Variants in SYN2 observed in about 807,000 individuals in gnomAD.
SYN2 encodes the protein synapsin II, also known as synapsin-2.
SYN2 carries 19 observed loss-of-function variants against 50.9 expected under a neutral mutation model. The observed-to-expected ratio is 0.37, with a 90% CI of 0.26 to 0.55. The LOEUF (loss-of-function observed/expected upper bound fraction) is 0.55, where lower values mean the gene tolerates loss of function less well. SYN2 is among the 20% of genes least tolerant of loss of function. The pLI, the probability that SYN2 is intolerant of heterozygous loss-of-function variation, is 0.81. For synonymous variants in SYN2, 255 were observed against 224.9 expected, an observed-to-expected ratio of 1.13 and a Z score of -1.20; for missense variants, 587 against 576.4, an observed-to-expected ratio of 1.02 and a Z score of -0.19.
chr3:12,021,313 GT>G (rs1301987641), intron 1 of SYN2, among the ~76,000 whole-genome samples: 7 of 152,014 alleles, frequency 4.6e-5, no homozygotes, highest in African/African-American at 1.2e-4. Flanking sequence ...TCTATGAAAG[GT>G]TTTTTTCTAT....
chr3:12,187,739 G>GTT, intron 12 of SYN2, 127 bp downstream of exon 12: 1 of 491,570 alleles, frequency 2.0e-6, no homozygotes, highest in Non-Finnish European at 2.8e-6. Context: ...ATGGGATTTG[G>GTT]TTTTTTTTTG....
At chr3:12,046,008 T>C (rs1035643893) in intron 1 of SYN2, among the ~76,000 whole-genome samples, 4 of 152,174 alleles carry the variant, frequency 2.6e-5, no homozygotes, top group Non-Finnish European at 4.4e-5. Context: ...AACCCATATT[T>C]CTCCTTTATA....
intron 11 of SYN2, chr3:12,183,716 T>G: frequency 8.1e-7 from 1 of 1,230,814 alleles, no homozygotes; most frequent in Non-Finnish European, 1.0e-6. Flanking sequence ...CTCTCCCAAG[T>G]CCAGTGTGAC....
At chr3:12,123,308 AC>A (rs1280414622) in intron 1 of SYN2, among the ~76,000 whole-genome samples, 3 of 152,216 alleles carry the variant, frequency 2.0e-5, no homozygotes, top group African/African-American at 7.2e-5. Flanking sequence ...AGCATCAAAG[AC>A]AAAAAGTAGG....
chr3:12,185,602 T>A (rs1183909727), intron 11 of SYN2: 1 of 985,902 alleles, frequency 1.0e-6, no homozygotes, highest in Non-Finnish European at 1.2e-6. Context: ...TTTCCTGACG[T>A]TGTCCCCTTT....
chr3:12,007,934 G>A (rs1191551837), intron 1 of SYN2, among the ~76,000 whole-genome samples: 4 of 152,068 alleles, frequency 2.6e-5, no homozygotes, highest in Non-Finnish European at 5.9e-5. Context: ...CTAAAAGATC[G>A]TTGAAAAATT....
chr3:12,088,923 G>A (rs879822442), intron 1 of SYN2, among the ~76,000 whole-genome samples: 5 of 152,166 alleles, frequency 3.3e-5, no homozygotes, highest in Non-Finnish European at 7.3e-5. Flanking sequence ...CAGAGTTTCA[G>A]TTAGACAAGA....
At chr3:12,152,421 A>G (rs932478912) in intron 5 of SYN2, among the ~76,000 whole-genome samples, 5 of 152,178 alleles carry the variant, frequency 3.3e-5, no homozygotes, top group Non-Finnish European at 7.3e-5. Flanking sequence ...TGGTTGGGGA[A>G]TCTCAGGGAG....
intron 5 of SYN2, chr3:12,156,965 T>C (rs749887551): frequency 6.6e-7 from 1 of 1,515,008 alleles, no homozygotes; most frequent in East Asian, 2.3e-5. Flanking sequence ...AAGGCAATAT[T>C]GGGTCAGTGA....
chr3:12,074,692 A>G (rs1288788215), intron 1 of SYN2, among the ~76,000 whole-genome samples: 1 of 151,608 alleles, frequency 6.6e-6, no homozygotes, highest in East Asian at 1.9e-4. Flanking sequence ...CCTTATGCAG[A>G]CTCTTCCTAC....
At position 12,169,874 on chromosome 3, in the gene SYN2, C is replaced by T. The variant is rs1697899935; in HGVS notation, c.1276C>T (p.Pro426Ser). 3 of 1,612,244 alleles carry T rather than the reference C, an allele frequency of 1.9e-6. No individual in the cohort carries two copies. The highest frequency in any genetic ancestry group is 2.5e-6 in the Non-Finnish European group (3 of 1,179,110). The change falls in exon 10 of 13, where the codon CCT (proline) becomes TCT (serine). Residue 426 changes from proline (P) to serine (S), a missense_variant. Transcript: ENST00000621198. ...GCTGTCCAGGACTCCTGCCCTGTCT[C>T]CTCAGAGACCCCTAACAACCCAGCA... is the stretch of plus-strand genomic sequence containing the variant. The part of the protein sequence containing the change: ...QLLSRTPALS[P>S]QRPLTTQQPQ...
chr3:12,106,893 G>A (rs17035806), intron 1 of SYN2, among the ~76,000 whole-genome samples: 16,259 of 151,954 alleles, frequency 0.11, 916 homozygotes, highest in East Asian at 0.18. Flanking sequence ...TTTAAAAGTG[G>A]AATTTTGCGA....
rs115134681 is a variant in SYN2, at chr3:12,138,786, A to T, written c.378-1865A>T. ...TTGAGACAGGAAAATAGGAGGAAGCATCAGAAAAGCATTGCTGATAACAAG... is the reference window on the plus strand; with the variant it reads ...TTGAGACAGGAAAATAGGAGGAAGCTTCAGAAAAGCATTGCTGATAACAAG... On this transcript the variant is annotated intron_variant, in intron 1 of 12. Coordinates refer to ENST00000621198, the MANE Select transcript of SYN2 (RefSeq NM_133625.6). Among the ~76,000 whole-genome samples the T allele has an allele frequency of 3.1e-3, 474 of 152,350 alleles. 3 individuals carry two copies. The highest frequency in any genetic ancestry group is 9.9e-3 in the African/African-American group (413 of 41,584).
chr3:12,173,717 C>T (rs965420980), intron 10 of SYN2, among the ~76,000 whole-genome samples: 4 of 151,982 alleles, frequency 2.6e-5, no homozygotes, highest in Non-Finnish European at 1.5e-5. Context: ...AGTTCGAGAC[C>T]AGCCTGGCCA....
At chr3:12,098,403 T>C (rs1255111366) in intron 1 of SYN2, among the ~76,000 whole-genome samples, 3 of 151,992 alleles carry the variant, frequency 2.0e-5, no homozygotes, top group Non-Finnish European at 2.9e-5. Context: ...AAAATACTTA[T>C]ATGATAATAG....
At chr3:12,051,351 G>A (rs780788965) in intron 1 of SYN2, among the ~76,000 whole-genome samples, 27 of 147,808 alleles carry the variant, frequency 1.8e-4, no homozygotes, top group Non-Finnish European at 3.4e-4. Context: ...AAAGCAGAGA[G>A]TATTTTGCTT....
chr3:12,018,508 A>G (rs2125134192), intron 1 of SYN2, among the ~76,000 whole-genome samples: 1 of 152,290 alleles, frequency 6.6e-6, no homozygotes, highest in Non-Finnish European at 1.5e-5. Context: ...TCTTCCAACC[A>G]TTTAATAGAC....
intron 1 of SYN2, among the ~76,000 whole-genome samples, chr3:12,016,187 T>C (rs1694026300): frequency 6.6e-6 from 1 of 152,232 alleles, no homozygotes; most frequent in Non-Finnish European, 1.5e-5. Context: ...TCTGTCCCTC[T>C]CTTCCCCTGA....
At chr3:12,055,176 A>G (rs1395200685) in intron 1 of SYN2, among the ~76,000 whole-genome samples, 1 of 152,144 alleles carries the variant, frequency 6.6e-6, no homozygotes, top group Non-Finnish European at 1.5e-5. Context: ...TCAAAAAGAT[A>G]TAGAATGATC....
Sources: allele counts gnomAD v4.1 joint callset (sites outside exome capture counted in the v4.1 genomes callset), GRCh38; gene constraint gnomAD v4.1.1; transcripts MANE v1.5; gene names NCBI Gene and HGNC (gene_info 2026-07-23, HGNC 2026-07-21).